ENTHD1: variants seen among roughly 807,000 people sequenced by gnomAD.
ENTHD1 encodes the protein ENTH domain-containing protein 1.
ENTHD1 carries 23 observed loss-of-function variants against 39.1 expected under a neutral mutation model. The ratio of observed to expected loss-of-function variants is 0.59; its 90% CI spans 0.42 to 0.83. ENTHD1 has a LOEUF of 0.83. ENTHD1 is among the 40% of genes least tolerant of loss of function. The probability of loss-of-function intolerance (pLI) is 0.00; values close to 1 mark genes in which losing one functional copy is unlikely to be tolerated. For missense variants in ENTHD1, 624 were observed against 705.4 expected, an observed-to-expected ratio of 0.88 and a Z score of 1.31; for synonymous variants, 230 against 258.2, an observed-to-expected ratio of 0.89 and a Z score of 1.05.
At chr22:39,801,224 C>T (rs1349059598) in intron 5 of ENTHD1, among the ~76,000 whole-genome samples, 2 of 152,232 alleles carry the variant, frequency 1.3e-5, no homozygotes, top group African/African-American at 2.4e-5. Flanking sequence ...AAGCAAAACA[C>T]CTTTTAAATC....
chr22:39,853,737 C>G (rs557716621), intron 3 of ENTHD1, among the ~76,000 whole-genome samples: 1 of 152,112 alleles, frequency 6.6e-6, no homozygotes, highest in African/African-American at 2.4e-5. Context: ...TCATGCCTGG[C>G]TAATTTTTGT....
intron 3 of ENTHD1, 67 bp from the exon 4 acceptor site, chr22:39,836,025 C>T: frequency 8.2e-7 from 1 of 1,212,150 alleles, no homozygotes; most frequent in South Asian, 1.5e-5. Context: ...TATTAGTTCC[C>T]AATTTGTAAG....
At chr22:39,792,110 A>G (rs573367190) in intron 5 of ENTHD1, among the ~76,000 whole-genome samples, 2 of 152,268 alleles carry the variant, frequency 1.3e-5, no homozygotes, top group South Asian at 4.1e-4. Context: ...GTGTATATGT[A>G]CCACATTTTC....
At chr22:39,752,178 TTCTA>T (rs2065153142) in intron 6 of ENTHD1, among the ~76,000 whole-genome samples, 1 of 152,092 alleles carries the variant, frequency 6.6e-6, no homozygotes, top group Non-Finnish European at 1.5e-5. Context: ...TATTCTATTT[TTCTA>T]TCTATCTGTA....
At chr22:39,875,351 G>A in intron 2 of ENTHD1, 1 of 1,353,346 alleles carries the variant, frequency 7.4e-7, no homozygotes, top group Non-Finnish European at 9.4e-7. Context: ...CACGTCCCGC[G>A]GGGTGGCGGG....
intron 6 of ENTHD1, among the ~76,000 whole-genome samples, chr22:39,762,045 C>T (rs778632445): frequency 6.6e-6 from 1 of 152,192 alleles, no homozygotes; most frequent in Non-Finnish European, 1.5e-5. Flanking sequence ...TTCTGTGATA[C>T]TCCTCTAAAG....
rs146565326 is a variant in ENTHD1, at chr22:39,869,586, G to A, written c.350-7579C>T. On this transcript the variant is annotated intron_variant, in intron 2 of 6. Transcript: ENST00000325157. ...CCTCAGCATCACACAGTGTATCCAG[G>A]TAACAAACCTGCACATGTACCCCTT... is the stretch of plus-strand genomic sequence containing the variant. Among the ~76,000 whole-genome samples the A allele has an allele frequency of 3.2e-3, 485 of 150,658 alleles. 4 individuals are homozygous for A. Among genetic ancestry groups the A allele is most frequent in the African/African-American group, 0.011 (463 of 40,952 alleles).
At chr22:39,842,095 C>T (rs2065948597) in intron 3 of ENTHD1, among the ~76,000 whole-genome samples, 1 of 151,614 alleles carries the variant, frequency 6.6e-6, no homozygotes, top group Non-Finnish European at 1.5e-5. Context: ...AGGGTTTCTG[C>T]CGAGAGATCT....
In ENTHD1 at chr22:39,861,874, T is replaced by C. The variant is rs1421938351; in HGVS notation, c.483A>G (p.Gln161=). The change falls in exon 3 of 7, where the codon CAA becomes CAG. Residue 161 remains glutamine, a synonymous_variant. Transcript: ENST00000325157. ...CTGTCAGTGAGTTACTTGAACCAAG[T>C]TGTCTTTTAGAAAACAATATAGAGT... ...TSHSILFSKR[Q]LGSSNSLTAC... The C allele has an allele frequency of 1.2e-6, 2 of 1,606,004 alleles. No homozygotes were observed. Among genetic ancestry groups the C allele is most frequent in the Admixed American group, 1.7e-5 (1 of 59,886 alleles).
chr22:39,767,070 G>A (rs2065282905), intron 5 of ENTHD1, among the ~76,000 whole-genome samples: 1 of 152,094 alleles, frequency 6.6e-6, no homozygotes, highest in Non-Finnish European at 1.5e-5. Flanking sequence ...AAGTCTCCTT[G>A]AGGAGACCTT....
intron 3 of ENTHD1, among the ~76,000 whole-genome samples, chr22:39,846,524 C>T (rs1486600044): frequency 1.3e-5 from 2 of 152,130 alleles, no homozygotes; most frequent in Admixed American, 1.3e-4. Context: ...ACTTTTGTTG[C>T]CATTGCTTTT....
chr22:39,823,316 C>T (rs1401586896), intron 4 of ENTHD1, among the ~76,000 whole-genome samples: 1 of 152,012 alleles, frequency 6.6e-6, no homozygotes, highest in Non-Finnish European at 1.5e-5. Context: ...CTGCTGTGAA[C>T]ATTTGTGTAC....
chr22:39,889,466 CAG>C (rs2066408904), intron 1 of ENTHD1, among the ~76,000 whole-genome samples: 1 of 152,192 alleles, frequency 6.6e-6, no homozygotes, highest in Non-Finnish European at 1.5e-5. Context: ...GCTGCCAAGA[CAG>C]TGTACCAAAT....
intron 2 of ENTHD1, chr22:39,875,925 T>C (rs1242290111): frequency 1.2e-5 from 19 of 1,613,858 alleles, no homozygotes; most frequent in Non-Finnish European, 1.6e-5. Context: ...GAATGGGTTA[T>C]CCTGATAGGT....
chr22:39,883,345 T>G (rs1486699892), intron 2 of ENTHD1, among the ~76,000 whole-genome samples: 1 of 152,166 alleles, frequency 6.6e-6, no homozygotes, highest in African/African-American at 2.4e-5. Context: ...ATAGTCAATT[T>G]AAACACATTC....
At chr22:39,789,899 C>A (rs758888883) in intron 5 of ENTHD1, among the ~76,000 whole-genome samples, 2 of 151,820 alleles carry the variant, frequency 1.3e-5, no homozygotes, top group African/African-American at 2.4e-5. Flanking sequence ...TGATCGGAGG[C>A]CTCACTGTTA....
At chr22:39,884,839 C>A (rs2066367506) in intron 2 of ENTHD1, among the ~76,000 whole-genome samples, 1 of 152,140 alleles carries the variant, frequency 6.6e-6, no homozygotes, top group Admixed American at 6.5e-5. Context: ...AGCACATACA[C>A]AAATTAATTC....
At position 39,765,454 on chromosome 22, in the gene ENTHD1, T is replaced by C; in HGVS notation, c.988A>G (p.Thr330Ala). 6.2e-7 allele frequency: 1 copy of C among 1,613,954 alleles called. No individual in the cohort carries two copies. The highest frequency in any genetic ancestry group is 1.1e-5 in the South Asian group (1 of 91,072). ...QSAAEGLKTL[T>A]ILPACWSSKE... ...CTTGACCAACATGCTGGTAAAATTGTCAATGTTTTAAGACCTTCTGCAGCT... is the reference window on the plus strand; with the variant it reads ...CTTGACCAACATGCTGGTAAAATTGCCAATGTTTTAAGACCTTCTGCAGCT... The change falls in exon 6 of 7, where the codon ACA becomes GCA. Residue 330 changes from threonine (T) to alanine (A), a missense_variant. Physicochemically the swap from Thr to Ala is moderately conservative, Grantham distance 58 (BLOSUM62 0). Transcript: ENST00000325157.
chr22:39,892,786 A>G (rs576974816), intron 1 of ENTHD1, among the ~76,000 whole-genome samples: 1 of 152,220 alleles, frequency 6.6e-6, no homozygotes, highest in Non-Finnish European at 1.5e-5. Context: ...GGTTCTGCCT[A>G]TAGACATGAG....
Sources: allele counts gnomAD v4.1 joint callset (sites outside exome capture counted in the v4.1 genomes callset), GRCh38; gene constraint gnomAD v4.1.1; transcripts MANE v1.5; gene names NCBI Gene and HGNC (gene_info 2026-07-23, HGNC 2026-07-21).